SLC3A1: variants seen among roughly 807,000 people sequenced by gnomAD.
The protein encoded by SLC3A1 is solute carrier family 3 member 1.
Under a neutral mutation model 60.3 loss-of-function variants are expected in SLC3A1, and 78 were observed. The ratio of observed to expected loss-of-function variants is 1.29; its 90% CI spans 1.08 to 1.56. The LOEUF is 1.56. Ranked by LOEUF, SLC3A1 falls within the 40% of genes most tolerant of loss-of-function variation. The pLI is 0.00. For missense variants in SLC3A1, 1,172 were observed against 858.9 expected, an observed-to-expected ratio of 1.36 and a Z score of -4.56; for synonymous variants, 392 against 307.9, an observed-to-expected ratio of 1.27 and a Z score of -2.86.
At chr2:44,307,963 G>A (rs974997125) in intron 7 of SLC3A1, among the ~76,000 whole-genome samples, 1 of 152,048 alleles carries the variant, frequency 6.6e-6, no homozygotes, top group Admixed American at 6.6e-5. Context: ...GATTATCATG[G>A]AATCTTTGTT....
intron 3 of SLC3A1, among the ~76,000 whole-genome samples, chr2:44,283,951 G>A (rs906450790): frequency 4.6e-5 from 7 of 152,102 alleles, no homozygotes; most frequent in Non-Finnish European, 7.3e-5. Context: ...ATATTTCACA[G>A]TGTGAACAAT....
intron 4 of SLC3A1, 39 bp from the exon 5 acceptor site, chr2:44,299,932 T>C: frequency 2.5e-6 from 4 of 1,610,092 alleles, no homozygotes; most frequent in Non-Finnish European, 3.4e-6. Flanking sequence ...GATAATAACG[T>C]AGTTAATGTA....
downstream of SLC3A1, chr2:44,321,909 G>A (rs1335781219): frequency 6.2e-7 from 1 of 1,610,308 alleles, no homozygotes; most frequent in African/African-American, 1.3e-5. Flanking sequence ...GCCTGGAAGA[G>A]TTAACATGTA....
chr2:44,304,298 G>A lies in SLC3A1; in HGVS notation c.1292G>A (p.Trp431Ter). 1 of 1,614,134 alleles carries A rather than the reference G, an allele frequency of 6.2e-7. No individual in the cohort carries two copies. The highest frequency in any genetic ancestry group is 1.3e-5 in the African/African-American group (1 of 75,050). Residue 431 changes from tryptophan to a stop codon, truncating the protein, a stop_gained, in exon 7 of 10, where the codon TGG (tryptophan) becomes TAG (stop). Transcript: ENST00000260649. LOFTEE classifies it high-confidence loss of function. ...AGCGTGTATGAGGTTATCACATCCT[G>A]GATGGAAAACATGCCAGAAGGAAAA... ...GNSVYEVITS[W>*]MENMPEGKWP...
chr2:44,301,285 T>G, intron 6 of SLC3A1, 158 bp downstream of exon 6: 1 of 913,750 alleles, frequency 1.1e-6, no homozygotes, highest in African/African-American at 1.6e-5. Context: ...CCTGCCATAT[T>G]CCTTTCCTGT....
intron 3 of SLC3A1, among the ~76,000 whole-genome samples, chr2:44,282,821 C>A (rs1343205563): frequency 6.6e-6 from 1 of 151,916 alleles, no homozygotes; most frequent in Non-Finnish European, 1.5e-5. Context: ...CCATGCCCAG[C>A]TAATATTTTA....
chr2:44,293,876 A>G (rs1671790372), intron 4 of SLC3A1, among the ~76,000 whole-genome samples: 1 of 152,180 alleles, frequency 6.6e-6, no homozygotes, highest in Admixed American at 6.5e-5. Context: ...CTCACTGGTA[A>G]AGGGGGAACA....
chr2:44,317,472 A>AC (rs1672518882), intron 9 of SLC3A1: 1 of 151,556 alleles, frequency 6.6e-6, no homozygotes, highest in South Asian at 2.1e-4. Context: ...AAAAAAAAAA[A>AC]AAATTCAGTT....
At chr2:44,278,797 T>G (rs1181936047) in intron 1 of SLC3A1, among the ~76,000 whole-genome samples, 1 of 152,154 alleles carries the variant, frequency 6.6e-6, no homozygotes, top group African/African-American at 2.4e-5. Flanking sequence ...TATAAATTCC[T>G]GGGTTCCTAT....
At chr2:44,302,115 A>T (rs561085178) in intron 6 of SLC3A1, among the ~76,000 whole-genome samples, 2 of 152,134 alleles carry the variant, frequency 1.3e-5, no homozygotes, top group African/African-American at 4.8e-5. Context: ...TTGTTATTGG[A>T]TCTATAGTTT....
Position 44,320,534 on chromosome 2 carries a change from C to T in SLC3A1, c.1953C>T (p.Asn651=), listed in dbSNP as rs149749634. 3.7e-5 allele frequency: 60 copies of T among 1,614,082 alleles called. 1 individual carries two copies. In the African/African-American group the frequency reaches 7.3e-4, roughly 20 times the overall value. ...GAGAGGGACTCATCTTTGAACACAA[C>T]ACGAAGAATCTCCTTCATCGCCAAA... The part of the protein sequence containing the change: ...DKGEGLIFEH[N]TKNLLHRQTA... The change falls in exon 10 of 10, where the codon AAC becomes AAT. Residue 651 remains asparagine, a synonymous_variant. Coordinates refer to ENST00000260649, the MANE Select transcript of SLC3A1 (RefSeq NM_000341.4).
chr2:44,321,842 C>A, downstream of SLC3A1: 1 of 1,613,672 alleles, frequency 6.2e-7, no homozygotes, highest in Non-Finnish European at 8.5e-7. Context: ...TGTGAGAATC[C>A]TCAATTACAT....
intron 2 of SLC3A1, among the ~76,000 whole-genome samples, chr2:44,281,137 C>T (rs1171075929): frequency 6.9e-6 from 1 of 144,582 alleles, no homozygotes; most frequent in Non-Finnish European, 1.5e-5. Context: ...CCCCTCCCCT[C>T]CCCTCCCCTC....
At chr2:44,289,128 C>G (rs1225441113) in intron 4 of SLC3A1, among the ~76,000 whole-genome samples, 1 of 151,882 alleles carries the variant, frequency 6.6e-6, no homozygotes, top group Non-Finnish European at 1.5e-5. Context: ...AGCCACCGCA[C>G]CTGGCCCTTT....
intron 1 of SLC3A1, among the ~76,000 whole-genome samples, chr2:44,280,102 T>C (rs961804776): frequency 6.6e-6 from 1 of 152,152 alleles, no homozygotes; most frequent in Non-Finnish European, 1.5e-5. Context: ...ATAGATTAGC[T>C]GCTCAAAAAC....
intron 7 of SLC3A1, among the ~76,000 whole-genome samples, chr2:44,310,949 C>T (rs1316391918): frequency 1.3e-5 from 2 of 152,034 alleles, no homozygotes; most frequent in African/African-American, 4.8e-5. Context: ...TGCATGCCAC[C>T]ATGCCTGGCT....
chr2:44,314,221 G>A (rs1672368535), intron 9 of SLC3A1: 1 of 799,382 alleles, frequency 1.3e-6, no homozygotes, highest in East Asian at 2.7e-5. Flanking sequence ...TTTGAGCTAT[G>A]AAGGAAATTT....
chr2:44,312,979 G>T (rs1477623160), intron 8 of SLC3A1, among the ~76,000 whole-genome samples: 5 of 151,454 alleles, frequency 3.3e-5, no homozygotes, highest in Non-Finnish European at 5.9e-5. Flanking sequence ...TTCTTGGGTA[G>T]GGCATTTTAA....
intron 4 of SLC3A1, among the ~76,000 whole-genome samples, chr2:44,297,797 T>A (rs73924302): frequency 0.014 from 2,077 of 152,226 alleles, 21 homozygotes; most frequent in Middle Eastern, 0.034. Flanking sequence ...CAGGGTTTTG[T>A]CATGTTGCCC....
Sources: gnomAD v4.1 joint callset for allele counts (sites outside exome capture counted in the v4.1 genomes callset) on GRCh38, gnomAD v4.1.1 for gene constraint, MANE v1.5 for transcripts, NCBI Gene and HGNC (gene_info 2026-07-23, HGNC 2026-07-21) for gene names.